PRKDC: variants seen among roughly 807,000 people sequenced by gnomAD.
The protein encoded by PRKDC is protein kinase, DNA-activated, catalytic subunit, also known as DNA-dependent protein kinase catalytic subunit.
PRKDC carries 82 observed loss-of-function variants against 486.9 expected under a neutral mutation model. That is an observed-to-expected ratio of 0.17 (90% CI 0.14 to 0.20). The LOEUF is 0.20. Ranked by LOEUF, PRKDC falls within the 10% of genes least tolerant of loss-of-function variation. PRKDC has a pLI of 1.00. For synonymous variants in PRKDC, 1,895 were observed against 1,837.0 expected (o/e 1.03, Z -0.81); for missense variants, 4,504 against 5,038.2 (o/e 0.89, Z 3.21).
At chr8:47,941,441 A>G (rs1266379985) in intron 10 of PRKDC, among the ~76,000 whole-genome samples, 2 of 152,138 alleles carry the variant, frequency 1.3e-5, no homozygotes, top group Non-Finnish European at 2.9e-5. Context: ...GCATCCCTGG[A>G]AGCCGAGACC....
chr8:47,924,749 A>G (rs993476107), intron 21 of PRKDC, among the ~76,000 whole-genome samples: 1 of 152,084 alleles, frequency 6.6e-6, no homozygotes, highest in African/African-American at 2.4e-5. Flanking sequence ...AGATGCATCC[A>G]TAAGTGAATG....
In PRKDC at chr8:47,888,560, C is replaced by A. The variant is rs761154232; in HGVS notation, c.4371G>T (p.Gln1457His). ...RLAAVVSACK[Q>H]LHRAGLLHNI... is the part of the protein sequence containing the mutation. Reference sequence around the variant, plus strand: ...TATGCAGAAGCCCAGCTCTGTGAAGCTGTTTACAGGCAGACACAACAGCAG... The same window carrying A: ...TATGCAGAAGCCCAGCTCTGTGAAGATGTTTACAGGCAGACACAACAGCAG... Residue 1457 changes from glutamine (Q) to histidine (H), a missense_variant, in exon 34 of 86, where the codon CAG becomes CAT. Physicochemically the swap from Gln to His is conservative, Grantham distance 24. This residue lies in a region of PRKDC where 1,969 missense variants were observed against 2,068.9 expected (regional missense o/e 0.95). Coordinates refer to ENST00000314191, the MANE Select transcript of PRKDC (RefSeq NM_006904.7). The A allele has an allele frequency of 6.4e-5, 102 of 1,582,948 alleles. No homozygotes were observed. In the South Asian group the frequency reaches 1.1e-3, roughly 16 times the overall value.
chr8:47,788,737 T>C (rs1433869275), intron 76 of PRKDC, among the ~76,000 whole-genome samples, 169 bp downstream of exon 76: 1 of 152,232 alleles, frequency 6.6e-6, no homozygotes, highest in Non-Finnish European at 1.5e-5. Flanking sequence ...AAAAATGTTA[T>C]CAATGTGTCA....
At chr8:47,874,788 C>T (rs1186122863) in intron 40 of PRKDC, among the ~76,000 whole-genome samples, 1 of 152,130 alleles carries the variant, frequency 6.6e-6, no homozygotes, top group East Asian at 1.9e-4. Flanking sequence ...GGCACAGTGG[C>T]TCGTGACTGT....
chr8:47,912,125 G>C (rs142765987), intron 25 of PRKDC, among the ~76,000 whole-genome samples: 97 of 152,144 alleles, frequency 6.4e-4, no homozygotes, highest in Admixed American at 2.7e-3. Context: ...TCCATGAGAG[G>C]GGTGACAGCT....
intron 21 of PRKDC, among the ~76,000 whole-genome samples, chr8:47,919,723 G>GTTTTTTTTTT (rs200600818): frequency 3.9e-5 from 5 of 127,052 alleles, no homozygotes; most frequent in Non-Finnish European, 5.1e-5. Context: ...GTTTTTAGTG[G>GTTTTTTTTTT]TTTTTTTTTT....
At chr8:47,902,382 C>CAGTTTCCA (rs753461574) in intron 27 of PRKDC, among the ~76,000 whole-genome samples, 187 bp downstream of exon 27, 1 of 152,214 alleles carries the variant, frequency 6.6e-6, no homozygotes, top group Non-Finnish European at 1.5e-5. Context: ...CATTTCTCAG[C>CAGTTTCCA]AGTTTCCAAG....
At chr8:47,774,788 A>G (rs1463043875) in intron 85 of PRKDC, among the ~76,000 whole-genome samples, 1 of 151,950 alleles carries the variant, frequency 6.6e-6, no homozygotes. Context: ...TTAAAAAAAG[A>G]GAAAGTTTTA....
chr8:47,958,177 C>T (rs895651719), intron 1 of PRKDC, among the ~76,000 whole-genome samples: 4 of 152,070 alleles, frequency 2.6e-5, no homozygotes, highest in Non-Finnish European at 4.4e-5. Context: ...AGATTCCAAA[C>T]CTCTAGTTAG....
At chr8:47,877,223 C>G (rs1252901633) in intron 40 of PRKDC, among the ~76,000 whole-genome samples, 6 of 152,184 alleles carry the variant, frequency 3.9e-5, no homozygotes, top group Non-Finnish European at 8.8e-5. Context: ...AGAGACATAA[C>G]AGTGAAATGC....
chr8:47,836,320 G>T lies in PRKDC; in HGVS notation c.7951+18C>A. On this transcript the variant is annotated intron_variant, in intron 58 of 85. Coordinates refer to ENST00000314191, the MANE Select transcript of PRKDC (RefSeq NM_006904.7). Reference sequence around the variant, plus strand: ...TCAGGGTGCTGTATACATGGCCAGCGGGCAGGGTCACTGTTACCTGCAGTC... The same window carrying T: ...TCAGGGTGCTGTATACATGGCCAGCTGGCAGGGTCACTGTTACCTGCAGTC... The T allele has an allele frequency of 6.5e-7, 1 of 1,538,544 alleles. No homozygotes were observed. Among genetic ancestry groups the T allele is most frequent in the East Asian group, 2.3e-5 (1 of 43,972 alleles).
chr8:47,958,465 C>A (rs539912830), intron 1 of PRKDC, among the ~76,000 whole-genome samples: 22 of 152,244 alleles, frequency 1.4e-4, no homozygotes, highest in African/African-American at 5.1e-4. Context: ...TGTTTTAAAC[C>A]ACTAAGCTTG....
intron 12 of PRKDC, 34 bp downstream of exon 12, chr8:47,936,319 A>G: frequency 1.3e-6 from 2 of 1,563,552 alleles, no homozygotes; most frequent in South Asian, 2.4e-5. Context: ...TGAAGATTAA[A>G]TACTTAAAAT....
intron 42 of PRKDC, 95 bp from the exon 43 acceptor site, chr8:47,862,636 G>A: frequency 7.9e-7 from 1 of 1,259,610 alleles, no homozygotes; most frequent in Non-Finnish European, 1.1e-6. Context: ...ATGCCATTCA[G>A]CCTTTCTCGA....
At position 47,890,391 on chromosome 8, in the gene PRKDC, A is replaced by G. The variant is rs2089435015; in HGVS notation, c.3937T>C (p.Phe1313Leu). ...MHDIIAAEKC[F>L]GTGAAGNRTS... The stretch of plus-strand genomic sequence containing the variant: ...CTGTTACCTGCTGCCCCAGTGCCAA[A>G]GCACTTTTCTGCTGCTATAATGTCA... Residue 1313 changes from phenylalanine to leucine, a missense_variant, in exon 32 of 86, where the codon TTT becomes CTT. By Grantham distance (22) the Phe-to-Leu change is conservative. Around this residue, in one of 6 missense-constraint regions of PRKDC, gnomAD observed 1,969 missense variants for 2,068.9 expected, o/e 0.95. Transcript: ENST00000314191. The G allele has an allele frequency of 6.2e-7, 1 of 1,609,864 alleles. No individual in the cohort carries two copies. The highest frequency in any genetic ancestry group is 8.5e-7 in the Non-Finnish European group (1 of 1,177,920).
At chr8:47,806,658 G>A (rs550322420) in intron 69 of PRKDC, among the ~76,000 whole-genome samples, 1 of 152,172 alleles carries the variant, frequency 6.6e-6, no homozygotes, top group South Asian at 2.1e-4. Context: ...ATCAAGAAGG[G>A]GTCCTAGTAT....
At position 47,929,175 on chromosome 8, in the gene PRKDC, C is replaced by T. The variant is rs1265238369; in HGVS notation, c.2056G>A (p.Val686Ile). The change falls in exon 19 of 86, where the codon GTT (valine) becomes ATT (isoleucine). Residue 686 changes from valine to isoleucine, a missense_variant. Val to Ile is a conservative substitution (Grantham distance 29). Coordinates refer to ENST00000314191, the MANE Select transcript of PRKDC (RefSeq NM_006904.7). ...NAKKIKYFEG[V>I]SPKSLKHSPE... The stretch of plus-strand genomic sequence containing the variant: ...GAGTGTTTCAGACTCTTTGGACTAA[C>T]TCCCTGTCAAATAAAACAGCAAGTT... 1 of 1,564,224 alleles carries T rather than the reference C, an allele frequency of 6.4e-7. No homozygotes were observed. The highest frequency in any genetic ancestry group is 8.7e-7 in the Non-Finnish European group (1 of 1,150,708).
intron 9 of PRKDC, among the ~76,000 whole-genome samples, 179 bp downstream of exon 9, chr8:47,943,674 G>A (rs2090483011): frequency 6.6e-6 from 1 of 152,204 alleles, no homozygotes; most frequent in African/African-American, 2.4e-5. Context: ...CATGTAACCT[G>A]AGTATCAGCA....
At chr8:47,894,649 T>C (rs2089538964) in intron 30 of PRKDC, among the ~76,000 whole-genome samples, 1 of 152,120 alleles carries the variant, frequency 6.6e-6, no homozygotes, top group Non-Finnish European at 1.5e-5. Context: ...AGGAGCTGTC[T>C]CTCTTGGACA....
Sources: allele counts gnomAD v4.1 joint callset (sites outside exome capture counted in the v4.1 genomes callset), GRCh38; gene constraint gnomAD v4.1.1; regional missense constraint gnomAD v4.1.1; transcripts MANE v1.5; gene names NCBI Gene and HGNC (gene_info 2026-07-23, HGNC 2026-07-21).